SIPA1L1: variants seen among roughly 807,000 people sequenced by gnomAD.
SIPA1L1 encodes signal induced proliferation associated 1 like 1.
In SIPA1L1, 26 loss-of-function variants were observed where a neutral mutation model predicts 162.7. The ratio of observed to expected loss-of-function variants is 0.16; its 90% confidence interval spans 0.12 to 0.22. The LOEUF (loss-of-function observed/expected upper bound fraction) is 0.22. SIPA1L1 is among the 10% of genes least tolerant of loss of function. The probability of loss-of-function intolerance (pLI) is 1.00; values close to 1 mark genes in which losing one functional copy is unlikely to be tolerated. For synonymous variants in SIPA1L1, 829 were observed against 837.4 expected, an observed-to-expected ratio of 0.99 and a Z score of 0.17; for missense variants, 1,874 against 2,241.0, an observed-to-expected ratio of 0.84 and a Z score of 3.31.
At chr14:71,352,155 G>A (rs2036781339) in intron 2 of SIPA1L1, among the ~76,000 whole-genome samples, 1 of 151,930 alleles carries the variant, frequency 6.6e-6, no homozygotes, top group Non-Finnish European at 1.5e-5. Context: ...GAAAAGTGCA[G>A]AAAGCACAAA....
chr14:71,388,279 G>A (rs979488957), intron 2 of SIPA1L1, among the ~76,000 whole-genome samples: 1 of 152,190 alleles, frequency 6.6e-6, no homozygotes, highest in Admixed American at 6.5e-5. Flanking sequence ...GCAGGTTTTT[G>A]TCAAAGCAGA....
chr14:71,618,667 T>C, intron 5 of SIPA1L1, 90 bp from the exon 6 acceptor site: 2 of 1,167,240 alleles, frequency 1.7e-6, no homozygotes, highest in Non-Finnish European at 2.4e-6. Context: ...ATAAAATTTC[T>C]GAGTGACAAC....
Position 71,377,956 on chromosome 14 carries a change from C to A in SIPA1L1, c.-465+56775C>A, listed in dbSNP as rs918338855. Among the ~76,000 whole-genome samples the A allele has an allele frequency of 2.0e-5, 3 of 151,868 alleles. No homozygotes were observed. The highest frequency in any genetic ancestry group is 6.5e-5 in the Admixed American group (1 of 15,268). ...GTCCAGCCTCGGCAACCGAGGGAGACCGTGGAAAGCAGGAGATGGAGACGA... is the reference window on the plus strand; with the variant it reads ...GTCCAGCCTCGGCAACCGAGGGAGAACGTGGAAAGCAGGAGATGGAGACGA... On this transcript the variant is annotated intron_variant, in intron 2 of 23. Transcript: ENST00000381232. This position sits in a 1 kb window ranked among gnomAD's most constrained non-coding sequence, Gnocchi z 4.8.
At chr14:71,472,872 G>A (rs1019523834) in intron 2 of SIPA1L1, among the ~76,000 whole-genome samples, 9 of 149,560 alleles carry the variant, frequency 6.0e-5, no homozygotes, top group African/African-American at 2.2e-4. Context: ...AAAAAGCAGG[G>A]TCTTACTTGG....
chr14:71,420,478 G>T (rs1044039811), intron 2 of SIPA1L1, among the ~76,000 whole-genome samples: 6 of 152,182 alleles, frequency 3.9e-5, no homozygotes, highest in African/African-American at 1.4e-4. Context: ...CATCTTTGTT[G>T]TGTAAAATCT....
At chr14:71,451,632 C>CAAAAAAAAA (rs762968378) in intron 2 of SIPA1L1, among the ~76,000 whole-genome samples, 1 of 54,392 alleles carries the variant, frequency 1.8e-5, no homozygotes, top group African/African-American at 6.8e-5. Context: ...GACCTTGTCT[C>CAAAAAAAAA]AAAAAAAAAA....
intron 4 of SIPA1L1, among the ~76,000 whole-genome samples, chr14:71,531,426 A>T (rs1397762178): frequency 6.6e-6 from 1 of 151,988 alleles, no homozygotes; most frequent in South Asian, 2.1e-4. Context: ...AGTACTGTGT[A>T]TCAGTCATCT....
At chr14:71,328,681 G>T (rs1425618804) in intron 2 of SIPA1L1, among the ~76,000 whole-genome samples, 1 of 152,154 alleles carries the variant, frequency 6.6e-6, no homozygotes, top group Non-Finnish European at 1.5e-5. Context: ...TCAAATGACT[G>T]CCAACAGTTT....
At chr14:71,578,932 T>C (rs2033524354) in intron 4 of SIPA1L1, among the ~76,000 whole-genome samples, 1 of 152,226 alleles carries the variant, frequency 6.6e-6, no homozygotes. Context: ...ACTTTTTTAC[T>C]CTGACATGAA....
chr14:71,575,774 C>G (rs1168869154), intron 4 of SIPA1L1, among the ~76,000 whole-genome samples: 1 of 152,076 alleles, frequency 6.6e-6, no homozygotes, highest in Admixed American at 6.5e-5. Flanking sequence ...AATAGATTTG[C>G]TCCTTTTTAT....
chr14:71,389,549 T>G (rs1233946045), intron 2 of SIPA1L1, among the ~76,000 whole-genome samples: 1 of 152,238 alleles, frequency 6.6e-6, no homozygotes, highest in African/African-American at 2.4e-5. Flanking sequence ...TTATATTTTG[T>G]GTAGTCTTAG....
At chr14:71,357,822 G>A (rs1320877948) in intron 2 of SIPA1L1, among the ~76,000 whole-genome samples, 1 of 152,156 alleles carries the variant, frequency 6.6e-6, no homozygotes, top group African/African-American at 2.4e-5. Flanking sequence ...CTGCCTCCTG[G>A]GCTCAAGCAA....
chr14:71,586,746 T>G (rs2147507709), intron 4 of SIPA1L1: 1 of 152,354 alleles, frequency 6.6e-6, no homozygotes, highest in South Asian at 2.1e-4. Context: ...AGAGCTGTGT[T>G]TTGTTTCTGC....
intron 2 of SIPA1L1, among the ~76,000 whole-genome samples, chr14:71,462,704 C>T (rs1006314830): frequency 6.6e-6 from 1 of 152,126 alleles, no homozygotes; most frequent in African/African-American, 2.4e-5. Context: ...CCAATAAGTC[C>T]AGTGTCTTGC....
At chr14:71,614,219 A>C (rs962124810) in intron 5 of SIPA1L1, among the ~76,000 whole-genome samples, 1 of 134,554 alleles carries the variant, frequency 7.4e-6, no homozygotes, top group Non-Finnish European at 1.6e-5. Context: ...CGCTGTCTCC[A>C]AAAAAAAAAA....
intron 2 of SIPA1L1, among the ~76,000 whole-genome samples, chr14:71,504,760 C>T (rs896390767): frequency 2.6e-5 from 4 of 152,190 alleles, no homozygotes; most frequent in African/African-American, 9.6e-5. Flanking sequence ...CCATTCCAAA[C>T]ATTCCTTGCT....
chr14:71,532,221 T>G (rs1323811672), intron 4 of SIPA1L1, among the ~76,000 whole-genome samples: 5 of 152,214 alleles, frequency 3.3e-5, no homozygotes, highest in Non-Finnish European at 7.3e-5. Flanking sequence ...TGTGTGCATT[T>G]TCTTTTTTAA....
intron 5 of SIPA1L1, among the ~76,000 whole-genome samples, chr14:71,592,153 T>C (rs1041662473): frequency 1.3e-5 from 2 of 152,178 alleles, no homozygotes; most frequent in Non-Finnish European, 2.9e-5. Context: ...GAGCAGTGGT[T>C]AATCCAGGAA....
chr14:71,731,083 T>C (rs566743742), intron 20 of SIPA1L1, among the ~76,000 whole-genome samples: 1 of 152,208 alleles, frequency 6.6e-6, no homozygotes, highest in South Asian at 2.1e-4. Flanking sequence ...CCTTCTGTCC[T>C]TTTTCCTTTG....
Sources: allele counts gnomAD v4.1 joint callset (sites outside exome capture counted in the v4.1 genomes callset), GRCh38; gene constraint gnomAD v4.1.1; non-coding constraint Gnocchi (gnomAD v3.1); transcripts MANE v1.5; gene names NCBI Gene and HGNC (gene_info 2026-07-23, HGNC 2026-07-21).